DNAH5: variants seen among roughly 807,000 people sequenced by gnomAD.
DNAH5 encodes dynein axonemal heavy chain 5.
A neutral mutation model predicts 518.2 loss-of-function variants in DNAH5; 372 were observed. The ratio of observed to expected loss-of-function variants is 0.72; its 90% CI spans 0.66 to 0.78. The LOEUF is 0.78. Among genes scored for constraint, DNAH5 ranks in the 30% least tolerant of loss-of-function variants. DNAH5 has a pLI of 0.00. For missense variants in DNAH5, 5,523 were observed against 5,687.0 expected, an observed-to-expected ratio of 0.97 and a Z score of 0.93; for synonymous variants, 2,039 against 2,025.9, an observed-to-expected ratio of 1.01 and a Z score of -0.17.
chr5:13,916,823 C>T (rs1009426551), intron 8 of DNAH5, among the ~76,000 whole-genome samples: 1 of 151,976 alleles, frequency 6.6e-6, no homozygotes, highest in Non-Finnish European at 1.5e-5. Flanking sequence ...ACTTTTCCCA[C>T]AGTTCTTTGG....
chr5:13,705,285 G>A (rs1048342968), intron 76 of DNAH5, among the ~76,000 whole-genome samples: 2 of 152,214 alleles, frequency 1.3e-5, no homozygotes, highest in South Asian at 2.1e-4. Flanking sequence ...GAGCCACTGC[G>A]CCCGGCTGCA....
intron 60 of DNAH5, among the ~76,000 whole-genome samples, chr5:13,760,123 C>A (rs548311301): frequency 6.6e-6 from 1 of 152,242 alleles, no homozygotes; most frequent in East Asian, 1.9e-4. Flanking sequence ...GTAAAGTCAC[C>A]GTGTCAAGCA....
At chr5:13,798,739 AT>A (rs869228962) in intron 47 of DNAH5, among the ~76,000 whole-genome samples, 6 of 59,240 alleles carry the variant, frequency 1.0e-4, no homozygotes, top group African/African-American at 3.3e-4. Flanking sequence ...GATTTTATTT[AT>A]TTTATTTATT....
chr5:13,696,858 G>T (rs1400502458), intron 78 of DNAH5, among the ~76,000 whole-genome samples: 1 of 152,108 alleles, frequency 6.6e-6, no homozygotes, highest in African/African-American at 2.4e-5. Flanking sequence ...TTTGAAATTA[G>T]CCCTTTTTCC....
chr5:13,867,625 T>A (rs926401280), intron 25 of DNAH5, 149 bp downstream of exon 25: 6 of 693,938 alleles, frequency 8.6e-6, no homozygotes, highest in Middle Eastern at 4.0e-4. Flanking sequence ...TGAAAAAAAA[T>A]GTTTTTCTCT....
At chr5:13,806,760 A>G (rs928397020) in intron 47 of DNAH5, among the ~76,000 whole-genome samples, 1 of 152,222 alleles carries the variant, frequency 6.6e-6, no homozygotes. Flanking sequence ...AGAACTATTT[A>G]AGCCACTGCA....
intron 3 of DNAH5, 101 bp downstream of exon 3, chr5:13,927,993 A>G: frequency 1.0e-6 from 1 of 991,576 alleles, no homozygotes. Context: ...CCCGCCCGCA[A>G]GGTGAAACAG....
Position 13,738,087 on chromosome 5 carries a change from TA to T in DNAH5, c.11212-593del, listed in dbSNP as rs61001745. ...TAAAATAAAATAAAAAATAAAATGTTAAAAAAAAAAAAAAGGAGGAGGAGAA... is the reference window on the plus strand; with the variant it reads ...TAAAATAAAATAAAAAATAAAATGTTAAAAAAAAAAAAAGGAGGAGGAGAA... On this transcript the variant is annotated intron_variant, in intron 65 of 78. Coordinates refer to ENST00000265104, the MANE Select transcript of DNAH5 (RefSeq NM_001369.3). 5.3e-3 allele frequency among the ~76,000 whole-genome samples: 706 copies of T among 132,498 alleles called. 4 individuals are homozygous for T. Among genetic ancestry groups the T allele is most frequent in the East Asian group, 0.029 (137 of 4,666 alleles). 86.9% of individuals were successfully genotyped at this position (132,498 alleles called of 152,430 possible).
chr5:13,837,110 G>A (rs1764495145), intron 35 of DNAH5, among the ~76,000 whole-genome samples: 1 of 152,242 alleles, frequency 6.6e-6, no homozygotes, highest in South Asian at 2.1e-4. Flanking sequence ...CAGCCCTGCA[G>A]ACACCTGATT....
chr5:13,842,831 T>C (rs1258650114), intron 32 of DNAH5, among the ~76,000 whole-genome samples: 1 of 152,182 alleles, frequency 6.6e-6, no homozygotes, highest in Non-Finnish European at 1.5e-5. Context: ...AGAAACCTTA[T>C]GGCAGGAGCA....
Position 13,840,961 on chromosome 5 carries a change from T to C in DNAH5, c.5654A>G (p.Lys1885Arg). The change falls in exon 34 of 79, where the codon AAA becomes AGA. Residue 1885 changes from lysine (K) to arginine (R), a missense_variant. Coordinates refer to ENST00000265104, the MANE Select transcript of DNAH5 (RefSeq NM_001369.3). ...TRDLSSTERV[K>R]YETLITIHVH... ...ATGAATAGTAATCAGAGTCTCGTAT[T>C]TCACTCGTTCCGTGGAACTCAGATC... 1 of 1,614,176 alleles carries C rather than the reference T, an allele frequency of 6.2e-7. No homozygotes were observed. Among genetic ancestry groups the C allele is most frequent in the Non-Finnish European group, 8.5e-7 (1 of 1,179,992 alleles).
intron 60 of DNAH5, among the ~76,000 whole-genome samples, chr5:13,761,630 G>A (rs1751799784): frequency 6.7e-6 from 1 of 150,216 alleles, no homozygotes; most frequent in Non-Finnish European, 1.5e-5. Context: ...GTTACCCACT[G>A]GAAAAGTATG....
At position 13,766,475 on chromosome 5, in the gene DNAH5, C is replaced by A. The variant is rs6888014; in HGVS notation, c.9898-296G>T. Reference sequence around the variant, plus strand: ...GTGCCAGAAAAAAGAAAGGCATAATCTGAAAGAAAAAGAATAGTCAGCACA... The same window carrying A: ...GTGCCAGAAAAAAGAAAGGCATAATATGAAAGAAAAAGAATAGTCAGCACA... On this transcript the variant is annotated intron_variant, in intron 58 of 78. Coordinates refer to ENST00000265104, the MANE Select transcript of DNAH5 (RefSeq NM_001369.3). Among the ~76,000 whole-genome samples, 16,534 of 152,198 alleles carry A rather than the reference C, an allele frequency of 0.11. 1,019 individuals are homozygous for A. The highest frequency in any genetic ancestry group is 0.32 in the East Asian group (1,633 of 5,182).
Position 13,844,898 on chromosome 5 carries a change from G to C in DNAH5, c.5210C>G (p.Thr1737Ser). Residue 1737 changes from threonine to serine, a missense_variant, in exon 32 of 79, where the codon ACT (threonine) becomes AGT (serine). Coordinates refer to ENST00000265104, the MANE Select transcript of DNAH5 (RefSeq NM_001369.3). ...EILGQASDSHTIQAHLLNVFD... is the reference protein window; with the variant it reads ...EILGQASDSHSIQAHLLNVFD... ...CACATTCAGCAAATGGGCCTGTATA[G>C]TGTGGGAGTCCGACGCCTGCCCCAG... 6.2e-7 allele frequency: 1 copy of C among 1,614,218 alleles called. No individual in the cohort carries two copies. The highest frequency in any genetic ancestry group is 8.5e-7 in the Non-Finnish European group (1 of 1,180,042).
intron 71 of DNAH5, among the ~76,000 whole-genome samples, chr5:13,720,089 G>T (rs1326921617): frequency 7.2e-6 from 1 of 138,470 alleles, no homozygotes; most frequent in African/African-American, 2.8e-5. Flanking sequence ...TGCATGAGTT[G>T]TCTTTCAAAA....
chr5:13,986,894 T>C (rs549281946), intron 1 of DNAH5, among the ~76,000 whole-genome samples: 31 of 152,360 alleles, frequency 2.0e-4, no homozygotes, highest in Non-Finnish European at 4.0e-4. Flanking sequence ...ACAGTCTGCA[T>C]GCCTCTCGCC....
chr5:13,694,447 T>C (rs1372067436), intron 78 of DNAH5, among the ~76,000 whole-genome samples: 3 of 152,114 alleles, frequency 2.0e-5, no homozygotes, highest in African/African-American at 7.2e-5. Flanking sequence ...ACAAATAACT[T>C]TGAAGACAAA....
At chr5:13,931,395 A>G in intron 1 of DNAH5, 151 bp from the exon 2 acceptor site, 1 of 755,060 alleles carries the variant, frequency 1.3e-6, no homozygotes, top group Non-Finnish European at 2.1e-6. Flanking sequence ...ACTATCTTCT[A>G]TTTTTAGAAA....
At chr5:13,920,770 C>T (rs528768216) in intron 5 of DNAH5, among the ~76,000 whole-genome samples, 153 bp from the exon 6 acceptor site, 5 of 152,242 alleles carry the variant, frequency 3.3e-5, no homozygotes, top group South Asian at 2.1e-4. Flanking sequence ...TGCCTTTGTC[C>T]ACGCTGCCCC....
Sources: gnomAD v4.1 joint callset for allele counts (sites outside exome capture counted in the v4.1 genomes callset) on GRCh38, gnomAD v4.1.1 for gene constraint, MANE v1.5 for transcripts, NCBI Gene and HGNC (gene_info 2026-07-23, HGNC 2026-07-21) for gene names.